Variants in TJP2 observed in about 807,000 individuals in gnomAD.
The protein encoded by TJP2 is tight junction protein 2, also known as Friedreich ataxia region gene X104 (tight junction protein ZO-2).
A neutral mutation model predicts 133.1 loss-of-function variants in TJP2; 91 were observed. The ratio of observed to expected loss-of-function variants is 0.68; its 90% CI spans 0.58 to 0.81. The LOEUF is 0.81. Among genes scored for constraint, TJP2 ranks in the 40% least tolerant of loss-of-function variants. TJP2 has a pLI of 0.00. For missense variants in TJP2, 1,541 were observed against 1,565.6 expected (o/e 0.98, Z 0.26); for synonymous variants, 592 against 583.4 (o/e 1.01, Z -0.21).
Position 69,226,101 on chromosome 9 carries a change from T to A in TJP2, c.1136T>A (p.Leu379Gln), listed in dbSNP as rs756268515. 2 of 1,614,038 alleles carry A rather than the reference T, an allele frequency of 1.2e-6. No individual in the cohort carries two copies. Among genetic ancestry groups the A allele is most frequent in the Non-Finnish European group, 1.7e-6 (2 of 1,180,018 alleles). Residue 379 changes from leucine (L) to glutamine (Q), a missense_variant, in exon 7 of 23, where the codon CTA becomes CAA. Leu to Gln is a moderately radical substitution (Grantham distance 113, BLOSUM62 -2). Transcript: ENST00000377245. ...LIEKSRGKLQ[L>Q]VVLRDSQQTL... ...GAAAAGTCAAGAGGAAAACTACAGC[T>A]AGTGGTGTTGAGAGACAGCCAGCAG...
chr9:69,163,555 G>C (rs914664695), intron 2 of TJP2, among the ~76,000 whole-genome samples: 1 of 151,816 alleles, frequency 6.6e-6, no homozygotes, highest in African/African-American at 2.4e-5. Flanking sequence ...AGGATCACTT[G>C]AGCCTGGGAG....
rs139939884 is a variant in TJP2, at chr9:69,236,206, G to A, written c.1959G>A (p.Glu653=). 7 of 1,614,040 alleles carry A rather than the reference G, an allele frequency of 4.3e-6. No homozygotes were observed. Among genetic ancestry groups the A allele is most frequent in the Non-Finnish European group, 5.9e-6 (7 of 1,179,952 alleles). The part of the protein sequence containing the change: ...GNWLAVRIGN[E]LEKGLIPNKS... Reference sequence around the variant, plus strand: ...GGCTGGCTGTGAGGATTGGGAACGAGTTGGAGAAAGGCTTAATCCCCAACA... The same window carrying A: ...GGCTGGCTGTGAGGATTGGGAACGAATTGGAGAAAGGCTTAATCCCCAACA... Residue 653 remains glutamate, a synonymous_variant, in exon 13 of 23, where the codon GAG becomes GAA. Transcript: ENST00000377245.
At chr9:69,162,883 T>C (rs549883461) in intron 2 of TJP2, among the ~76,000 whole-genome samples, 1 of 152,378 alleles carries the variant, frequency 6.6e-6, no homozygotes, top group Admixed American at 6.5e-5. Context: ...TTATCACTTA[T>C]ATTAAAAACT....
chr9:69,253,082 C>A, intron 22 of TJP2, 182 bp downstream of exon 22: 1 of 636,704 alleles, frequency 1.6e-6, no homozygotes, highest in Non-Finnish European at 2.8e-6. Flanking sequence ...AAAACTTAAG[C>A]ATAGTTTGCT....
At chr9:69,212,231 G>A (rs1274201661) in intron 1 of TJP2, among the ~76,000 whole-genome samples, 2 of 152,174 alleles carry the variant, frequency 1.3e-5, no homozygotes, top group African/African-American at 2.4e-5. Context: ...TTTGAAACTA[G>A]ATATTTTTAA....
chr9:69,223,381 C>G (rs1588100737), intron 5 of TJP2, among the ~76,000 whole-genome samples: 1 of 152,202 alleles, frequency 6.6e-6, no homozygotes, highest in African/African-American at 2.4e-5. Flanking sequence ...GATCTCGGCT[C>G]ACTGCAGGCT....
At chr9:69,180,095 A>T (rs553244197) in intron 1 of TJP2, among the ~76,000 whole-genome samples, 2 of 152,354 alleles carry the variant, frequency 1.3e-5, no homozygotes, top group South Asian at 2.1e-4. Flanking sequence ...TATGCTCTAT[A>T]TTATAGATAC....
rs775979029 is a variant in TJP2 at position 69,220,950 on chromosome 9, G to A, written c.406G>A (p.Asp136Asn). 1.2e-6 allele frequency: 2 copies of A among 1,612,826 alleles called. No homozygotes were observed. Among genetic ancestry groups the A allele is most frequent in the South Asian group, 2.2e-5 (2 of 90,986 alleles). The change falls in exon 5 of 23, where the codon GAT (aspartate) becomes AAT (asparagine). Residue 136 changes from aspartate to asparagine, a missense_variant. Asp to Asn is a conservative substitution (Grantham distance 23). Transcript: ENST00000377245. ...ALQASPPLDQDDRAFEVMDEF... is the reference protein window; with the variant it reads ...ALQASPPLDQNDRAFEVMDEF... ...TCAGGCCAGCCCTCCCCTGGATCAG[G>A]ATGACCGGGCTTTTGAGGTGATGGA... is the stretch of plus-strand genomic sequence containing the variant.
In TJP2 at chr9:69,221,092, G is replaced by T. The variant is rs2133271291; in HGVS notation, c.548G>T (p.Arg183Leu). Residue 183 changes from arginine (R) to leucine (L), a missense_variant, in exon 5 of 23, where the codon CGG becomes CTG. Transcript: ENST00000377245. Reference protein sequence around the residue: ...DSPERGRPHERARSRERDLSR... With the variant: ...DSPERGRPHELARSRERDLSR... The stretch of plus-strand genomic sequence containing the variant: ...CCGGAAAGGGGGCGTCCCCATGAGC[G>T]GGCCCGGAGCCGGGAGCGGGACCTC... 1 of 1,585,956 alleles carries T rather than the reference G, an allele frequency of 6.3e-7. No homozygotes were observed. Among genetic ancestry groups the T allele is most frequent in the South Asian group, 1.1e-5 (1 of 87,812 alleles).
At chr9:69,232,224 C>T (rs1340526908) in intron 11 of TJP2, among the ~76,000 whole-genome samples, 1 of 152,124 alleles carries the variant, frequency 6.6e-6, no homozygotes, top group Non-Finnish European at 1.5e-5. Context: ...AATAGGTGGT[C>T]CTCATTTCTT....
chr9:69,216,979 T>G (rs1271869173), intron 3 of TJP2, among the ~76,000 whole-genome samples: 1 of 126,960 alleles, frequency 7.9e-6, no homozygotes, highest in Non-Finnish European at 1.6e-5. Context: ...TTTAATAAAT[T>G]TTTTCTTTTC....
chr9:69,240,069 C>T lies in TJP2; in HGVS notation c.2488C>T (p.Pro830Ser). The change falls in exon 17 of 23, where the codon CCA becomes TCA. Residue 830 changes from proline (P) to serine (S), a missense_variant. By Grantham distance (74) the Pro-to-Ser change is moderately conservative. Coordinates refer to ENST00000377245, the MANE Select transcript of TJP2 (RefSeq NM_004817.4). ...GVKTMRQRLN[P>S]TSNKSSRKLF... ...CAAAACCATGAGACAAAGGTTAAAT[C>T]CAACGTCCAACAAAAGTTCTCGAAA... 6.2e-7 allele frequency: 1 copy of T among 1,614,008 alleles called. No individual in the cohort carries two copies. Among genetic ancestry groups the T allele is most frequent in the East Asian group, 2.2e-5 (1 of 44,866 alleles).
intron 22 of TJP2, chr9:69,253,179 A>G (rs764171736): frequency 2.1e-6 from 1 of 487,794 alleles, no homozygotes. Flanking sequence ...GTTACATTGC[A>G]CATGGTTAGC....
intron 1 of TJP2, among the ~76,000 whole-genome samples, chr9:69,133,659 C>G (rs1282102939): frequency 6.8e-6 from 1 of 147,038 alleles, no homozygotes; most frequent in Non-Finnish European, 1.5e-5. Context: ...TCAAGCGATT[C>G]TCCTGCCTCA....
At position 69,206,553 on chromosome 9, in the gene TJP2, TTTTA is replaced by T. The variant is rs34725985; in HGVS notation, c.61-5974_61-5971del. Among the ~76,000 whole-genome samples, 645 of 149,480 alleles carry T rather than the reference TTTTA, an allele frequency of 4.3e-3. 3 individuals carry two copies. Among genetic ancestry groups the T allele is most frequent in the Non-Finnish European group, 7.2e-3 (483 of 67,342 alleles). On this transcript the variant is annotated intron_variant, in intron 1 of 22. Transcript: ENST00000377245. ...GTGTTCACCCACTCATCTCCCTATT[TTTTA>T]TTTATTTATTTATTTATTTAATTTT...
chr9:69,218,315 T>C lies in TJP2; in HGVS notation c.298T>C (p.Phe100Leu). The C allele has an allele frequency of 6.2e-7, 1 of 1,614,202 alleles. No individual in the cohort carries two copies. Among genetic ancestry groups the C allele is most frequent in the Non-Finnish European group, 8.5e-7 (1 of 1,180,036 alleles). ...GTPMEDVLHSFAVQQLRKSGK... is the reference protein window; with the variant it reads ...GTPMEDVLHSLAVQQLRKSGK... The stretch of plus-strand genomic sequence containing the variant: ...CCCCATGGAGGATGTGCTTCATTCG[T>C]TTGCAGTTCAGCAGCTCAGAAAAAG... Residue 100 changes from phenylalanine (F) to leucine (L), a missense_variant, in exon 4 of 23, where the codon TTT becomes CTT. Physicochemically the swap from Phe to Leu is conservative, Grantham distance 22. Transcript: ENST00000377245.
At chr9:69,233,075 C>A (rs1445887472) in intron 11 of TJP2, among the ~76,000 whole-genome samples, 1 of 152,116 alleles carries the variant, frequency 6.6e-6, no homozygotes, top group Non-Finnish European at 1.5e-5. Context: ...ACAAATGGCA[C>A]AAGAAAGGAT....
At chr9:69,248,772 G>C in intron 19 of TJP2, 7 of 994,506 alleles carry the variant, frequency 7.0e-6, no homozygotes, top group Non-Finnish European at 8.4e-6. Flanking sequence ...TAGCTTATGG[G>C]ATCCTTGAAA....
At chr9:69,209,646 C>G (rs1022900528) in intron 1 of TJP2, among the ~76,000 whole-genome samples, 3 of 150,642 alleles carry the variant, frequency 2.0e-5, no homozygotes, top group African/African-American at 7.3e-5. Context: ...CCCAACTACT[C>G]GGGAGGCTGA....
Sources: allele counts gnomAD v4.1 joint callset (sites outside exome capture counted in the v4.1 genomes callset), GRCh38; gene constraint gnomAD v4.1.1; transcripts MANE v1.5; gene names NCBI Gene and HGNC (gene_info 2026-07-23, HGNC 2026-07-21).